Variants in MAGI2 observed in about 807,000 individuals in gnomAD.
MAGI2 encodes the protein membrane associated guanylate kinase, WW and PDZ domain containing 2, also known as membrane-associated guanylate kinase, WW and PDZ domain-containing protein 2.
MAGI2 carries 35 observed loss-of-function variants against 133.3 expected under a neutral mutation model. The ratio of observed to expected loss-of-function variants is 0.26; its 90% confidence interval spans 0.20 to 0.35. The LOEUF (loss-of-function observed/expected upper bound fraction) is 0.35. Among genes scored for constraint, MAGI2 ranks in the 10% least tolerant of loss-of-function variants. The pLI is 1.00. For synonymous variants in MAGI2, 729 were observed against 710.6 expected (o/e 1.03, Z -0.41); for missense variants, 1,636 against 1,863.4 (o/e 0.88, Z 2.25).
chr7:78,042,205 G>T (rs1563042623), intron 21 of MAGI2, among the ~76,000 whole-genome samples: 1 of 152,176 alleles, frequency 6.6e-6, no homozygotes, highest in Non-Finnish European at 1.5e-5. Context: ...AAGAGTCAGG[G>T]TCATGGGGTC....
chr7:78,764,046 G>A (rs963028016), intron 2 of MAGI2, among the ~76,000 whole-genome samples: 4 of 152,150 alleles, frequency 2.6e-5, no homozygotes, highest in African/African-American at 9.7e-5. Flanking sequence ...TAGTGCTGTG[G>A]TTTAAGGACA....
intron 3 of MAGI2, among the ~76,000 whole-genome samples, chr7:78,546,352 C>T (rs754893888): frequency 1.3e-5 from 2 of 151,880 alleles, no homozygotes; most frequent in Non-Finnish European, 1.5e-5. Context: ...GCTATAAGAT[C>T]GTTAGGTAGC....
At chr7:78,964,180 ATTAT>A (rs948157586) in intron 2 of MAGI2, among the ~76,000 whole-genome samples, 13 of 151,572 alleles carry the variant, frequency 8.6e-5, no homozygotes, top group Non-Finnish European at 1.2e-4. Flanking sequence ...GTAATAATAC[ATTAT>A]TTATTCTTAT....
intron 2 of MAGI2, among the ~76,000 whole-genome samples, chr7:78,954,348 T>A (rs6974294): frequency 4.0e-5 from 6 of 151,760 alleles, no homozygotes; most frequent in Non-Finnish European, 7.4e-5. Flanking sequence ...TTTTTTCCTC[T>A]GAAGATAAGA....
At chr7:78,096,529 T>A (rs1335075739) in intron 20 of MAGI2, among the ~76,000 whole-genome samples, 1 of 152,240 alleles carries the variant, frequency 6.6e-6, no homozygotes, top group Non-Finnish European at 1.5e-5. Context: ...ATTGGGGTTA[T>A]CTTCTTTATT....
intron 2 of MAGI2, among the ~76,000 whole-genome samples, chr7:78,841,010 T>C (rs1018115485): frequency 1.3e-5 from 2 of 152,018 alleles, no homozygotes; most frequent in Non-Finnish European, 2.9e-5. Flanking sequence ...ATTTTCAACT[T>C]CTCCATCTTC....
intron 1 of MAGI2, among the ~76,000 whole-genome samples, chr7:79,420,438 T>A (rs1249975545): frequency 2.6e-5 from 4 of 151,982 alleles, no homozygotes; most frequent in Admixed American, 2.6e-4. Flanking sequence ...CTGCTTGCCT[T>A]CCTAACCATA....
At chr7:78,892,054 C>T (rs1391365970) in intron 2 of MAGI2, among the ~76,000 whole-genome samples, 3 of 152,132 alleles carry the variant, frequency 2.0e-5, no homozygotes, top group African/African-American at 7.2e-5. Context: ...AATCAATGTG[C>T]AAAAATCACA....
chr7:78,751,668 G>C (rs1823471785), intron 2 of MAGI2, among the ~76,000 whole-genome samples: 1 of 152,184 alleles, frequency 6.6e-6, no homozygotes, highest in African/African-American at 2.4e-5. Context: ...TGATAATGGT[G>C]AAGTAATTCA....
At chr7:78,535,452 T>C (rs1340262957) in intron 3 of MAGI2, among the ~76,000 whole-genome samples, 1 of 152,186 alleles carries the variant, frequency 6.6e-6, no homozygotes, top group Non-Finnish European at 1.5e-5. Flanking sequence ...GAGTGAAAAG[T>C]CTTGAGGTCA....
chr7:79,321,786 C>T (rs1839205161), intron 1 of MAGI2, among the ~76,000 whole-genome samples: 1 of 152,152 alleles, frequency 6.6e-6, no homozygotes, highest in African/African-American at 2.4e-5. Context: ...CTAACATTTC[C>T]TGAATGCCTA....
intron 1 of MAGI2, among the ~76,000 whole-genome samples, chr7:79,077,255 T>C (rs1047505394): frequency 2.0e-5 from 3 of 152,136 alleles, no homozygotes; most frequent in Non-Finnish European, 4.4e-5. Context: ...TTCACTATTC[T>C]TTTAAGAAAT....
chr7:78,830,199 T>G (rs1791020299), intron 2 of MAGI2, among the ~76,000 whole-genome samples: 1 of 152,120 alleles, frequency 6.6e-6, no homozygotes. Context: ...AAAATTTTTA[T>G]TGGACATTTA....
At chr7:78,629,272 T>C (rs1808705268) in intron 2 of MAGI2, among the ~76,000 whole-genome samples, 2 of 152,200 alleles carry the variant, frequency 1.3e-5, no homozygotes, top group African/African-American at 4.8e-5. Context: ...CCTATTGCTA[T>C]TGACCCAACT....
At chr7:78,650,843 A>G (rs1006435231) in intron 2 of MAGI2, among the ~76,000 whole-genome samples, 6 of 152,172 alleles carry the variant, frequency 3.9e-5, no homozygotes, top group Admixed American at 3.3e-4. Context: ...TTGAGGGGAC[A>G]TGATGTCCAG....
rs1022506481 is a variant in MAGI2, at chr7:78,977,953, C to T, written c.418+29137G>A. On this transcript the variant is annotated intron_variant, in intron 2 of 21. Transcript: ENST00000354212. ...AACATCATTTGTCATTAGGGAAATGCAAATTAAAACAACAATGAGGTACCA... is the reference window on the plus strand; with the variant it reads ...AACATCATTTGTCATTAGGGAAATGTAAATTAAAACAACAATGAGGTACCA... Among the ~76,000 whole-genome samples, 5 of 151,600 alleles carry T rather than the reference C, an allele frequency of 3.3e-5. No homozygotes were observed. In the Admixed American group the frequency reaches 3.3e-4, roughly 10 times the overall value.
At chr7:79,432,243 A>G (rs1248569315) in intron 1 of MAGI2, among the ~76,000 whole-genome samples, 2 of 152,202 alleles carry the variant, frequency 1.3e-5, no homozygotes, top group African/African-American at 4.8e-5. Context: ...TTAATAGACA[A>G]TGGAGTCTCA....
At chr7:78,515,737 T>G (rs534673810) in intron 4 of MAGI2, among the ~76,000 whole-genome samples, 1 of 151,958 alleles carries the variant, frequency 6.6e-6, no homozygotes, top group South Asian at 2.1e-4. Context: ...CCATCTCTAC[T>G]AAAAATACAA....
At chr7:79,261,422 A>G (rs1253825737) in intron 1 of MAGI2, among the ~76,000 whole-genome samples, 1 of 152,212 alleles carries the variant, frequency 6.6e-6, no homozygotes, top group Non-Finnish European at 1.5e-5. Flanking sequence ...CTTACATTTA[A>G]TTGGTCAAAG....
Sources: allele counts gnomAD v4.1 joint callset (sites outside exome capture counted in the v4.1 genomes callset), GRCh38; gene constraint gnomAD v4.1.1; transcripts MANE v1.5; gene names NCBI Gene and HGNC (gene_info 2026-07-23, HGNC 2026-07-21).